The following TIMM23 variants were observed in gnomAD, a reference collection of about 807,000 sequenced individuals.
TIMM23 encodes mitochondrial import inner membrane translocase subunit Tim23.
A neutral mutation model predicts 30.7 loss-of-function variants in TIMM23; 19 were observed. The ratio of observed to expected loss-of-function variants is 0.62; its 90% confidence interval spans 0.43 to 0.91. The LOEUF is 0.91. TIMM23 is among the 40% of genes least tolerant of loss of function. The probability of loss-of-function intolerance (pLI) is 0.00; values close to 1 mark genes in which losing one functional copy is unlikely to be tolerated. For missense variants in TIMM23, 202 were observed against 269.2 expected (o/e 0.75, Z 1.75); for synonymous variants, 78 against 98.5 (o/e 0.79, Z 1.23).
intron 2 of TIMM23, 94 bp downstream of exon 2, chr10:45,975,606 T>C (rs1266213981): frequency 6.5e-7 from 1 of 1,528,032 alleles, no homozygotes; most frequent in Non-Finnish European, 9.0e-7. Flanking sequence ...CATACACTTT[T>C]GGAGGCAGTA....
At chr10:45,994,371 A>G (rs1386730188) in intron 6 of TIMM23, among the ~76,000 whole-genome samples, 2 of 148,150 alleles carry the variant, frequency 1.3e-5, no homozygotes, top group African/African-American at 5.0e-5. Flanking sequence ...ATAAATGAAT[A>G]AAATAAATTA....
rs782401743 is a variant in TIMM23 at position 45,996,157 on chromosome 10, T to G, written c.515-7046T>G. Among the ~76,000 whole-genome samples the G allele has an allele frequency of 7.9e-3, 1,112 of 141,234 alleles. 13 individuals carry two copies. Among genetic ancestry groups the G allele is most frequent in the Non-Finnish European group, 9.8e-3 (648 of 65,938 alleles). The allele number at this position is 141,234 out of a possible 152,430, so 92.7% of individuals were successfully genotyped here. On this transcript the variant is annotated intron_variant, in intron 6 of 6. Transcript: ENST00000580018. ...CGGGAGGATCACAATGTCAGGAGAT[T>G]GAGACCATCCTGGCTAACACAGTGA...
In TIMM23 at chr10:46,003,276, C is replaced by T; in HGVS notation, c.588C>T (p.Asn196=). The T allele has an allele frequency of 1.2e-6, 2 of 1,614,118 alleles. No homozygotes were observed. Among genetic ancestry groups the T allele is most frequent in the Non-Finnish European group, 8.5e-7 (1 of 1,179,992 alleles). ...CCAGCCTCTATGCACTATATAATAA[C>T]TGGGAGCACATGAAAGGCTCCTTGC... ...TLTSLYALYN[N]WEHMKGSLLQ... The change falls in exon 7 of 7, where the codon AAC becomes AAT. Residue 196 remains asparagine, a synonymous_variant. Transcript: ENST00000580018.
At chr10:45,986,749 C>T (rs587697225) in intron 5 of TIMM23, among the ~76,000 whole-genome samples, 4 of 151,672 alleles carry the variant, frequency 2.6e-5, no homozygotes, top group Non-Finnish European at 5.9e-5. Context: ...TGTTATAATA[C>T]GTGAGAATCA....
intron 6 of TIMM23, among the ~76,000 whole-genome samples, chr10:45,990,246 C>T (rs1838120980): frequency 6.6e-6 from 1 of 151,532 alleles, no homozygotes; most frequent in South Asian, 2.1e-4. Flanking sequence ...TCTCAGCTTC[C>T]TGAGTAGCTG....
intron 1 of TIMM23, among the ~76,000 whole-genome samples, chr10:45,974,353 G>C (rs1590107554): frequency 6.6e-6 from 1 of 152,184 alleles, no homozygotes; most frequent in East Asian, 1.9e-4. Flanking sequence ...AACATCTCAA[G>C]GGAGTTGACA....
At chr10:45,999,361 C>T (rs921203246) in intron 6 of TIMM23, among the ~76,000 whole-genome samples, 91 of 151,958 alleles carry the variant, frequency 6.0e-4, no homozygotes, top group African/African-American at 2.1e-3. Context: ...CCGATAGTCG[C>T]GTACATTCTT....
Position 45,993,244 on chromosome 10 carries a change from C to CTTTTTTTTTTTTTTTTTTTTTTTTTT in TIMM23, c.514+4414_514+4415insTTTTTTTTTTTTTTTTTTTTTTTTTT, listed in dbSNP as rs782013689. Among the ~76,000 whole-genome samples, 19 of 72,030 alleles carry CTTTTTTTTTTTTTTTTTTTTTTTTTT rather than the reference C, an allele frequency of 2.6e-4. 2 individuals are homozygous for CTTTTTTTTTTTTTTTTTTTTTTTTTT. Among genetic ancestry groups the CTTTTTTTTTTTTTTTTTTTTTTTTTT allele is most frequent in the African/African-American group, 1.2e-3 (17 of 14,726 alleles). The allele number at this position is 72,030 out of a possible 152,430, so 47.3% of individuals were successfully genotyped here. On this transcript the variant is annotated intron_variant, in intron 6 of 6. Coordinates refer to ENST00000580018, the MANE Select transcript of TIMM23 (RefSeq NM_006327.4). Reference sequence around the variant, plus strand: ...TTGCCAGTGTGAGCATCTACCATCACTTTTTTTTTTTTTTTTTGGAGACTG... The same window carrying CTTTTTTTTTTTTTTTTTTTTTTTTTT: ...TTGCCAGTGTGAGCATCTACCATCACTTTTTTTTTTTTTTTTTTTTTTTTTTTTTTTTTTTTTTTTTTTGGAGACTG...
At chr10:45,980,854 C>A (rs1276917676) in intron 2 of TIMM23, among the ~76,000 whole-genome samples, 2 of 150,190 alleles carry the variant, frequency 1.3e-5, no homozygotes, top group South Asian at 4.2e-4. Context: ...TCAGTTGATA[C>A]TAGCAGGAGA....
chr10:45,997,004 A>G, intron 6 of TIMM23, among the ~76,000 whole-genome samples: 1 of 150,980 alleles, frequency 6.6e-6, no homozygotes, highest in Non-Finnish European at 1.5e-5. Context: ...CTAAGAGGCC[A>G]AGGCAGGCAA....
intron 2 of TIMM23, among the ~76,000 whole-genome samples, chr10:45,981,449 T>C (rs1388941854): frequency 1.3e-5 from 2 of 151,930 alleles, no homozygotes; most frequent in Non-Finnish European, 1.5e-5. Context: ...TATACAATTA[T>C]ATTATGACAT....
chr10:45,993,402 A>G (rs1484028160), intron 6 of TIMM23, among the ~76,000 whole-genome samples: 8 of 151,828 alleles, frequency 5.3e-5, no homozygotes, highest in African/African-American at 1.9e-4. Flanking sequence ...ACACGCATGC[A>G]CCACGATGCC....
At chr10:45,979,876 C>T (rs61849480) in intron 2 of TIMM23, among the ~76,000 whole-genome samples, 2 of 151,710 alleles carry the variant, frequency 1.3e-5, no homozygotes, top group Admixed American at 6.6e-5. Flanking sequence ...TCAAAACTAG[C>T]TGCATGTATT....
At chr10:45,989,718 T>C (rs1158679839) in intron 6 of TIMM23, among the ~76,000 whole-genome samples, 1 of 152,220 alleles carries the variant, frequency 6.6e-6, no homozygotes, top group Non-Finnish European at 1.5e-5. Flanking sequence ...AGCCCAGGAA[T>C]GGCTTCCCTG....
chr10:45,976,905 AATG>A (rs1486235547), intron 2 of TIMM23, among the ~76,000 whole-genome samples: 1 of 152,244 alleles, frequency 6.6e-6, no homozygotes, highest in African/African-American at 2.4e-5. Flanking sequence ...TGTTAAAACT[AATG>A]ATCGAGTTCA....
In TIMM23 at chr10:46,003,350, T is replaced by A; in HGVS notation, c.*32T>A. 7.1e-7 allele frequency: 1 copy of A among 1,403,576 alleles called. No individual in the cohort carries two copies. The highest frequency in any genetic ancestry group is 1.0e-6 in the Non-Finnish European group (1 of 989,890). The allele number at this position is 1,403,576 out of a possible 1,614,324, so 86.9% of individuals were successfully genotyped here. A position where few individuals can be genotyped will look rare whatever the true frequency, so the allele number is the denominator to read the frequency against. On this transcript the variant is annotated 3_prime_UTR_variant, in exon 7 of 7. Transcript: ENST00000580018. Reference sequence around the variant, plus strand: ...TGCCAACTCATGAATGGAGGACACTTCAGTAGTCATCTAGATCCTTTTATA... The same window carrying A: ...TGCCAACTCATGAATGGAGGACACTACAGTAGTCATCTAGATCCTTTTATA...
At position 45,982,897 on chromosome 10, in the gene TIMM23, A is replaced by G. The variant is rs2132255248; in HGVS notation, c.311A>G (p.Gln104Arg). The G allele has an allele frequency of 6.2e-7, 1 of 1,613,970 alleles. No homozygotes were observed. Among genetic ancestry groups the G allele is most frequent in the Non-Finnish European group, 8.5e-7 (1 of 1,179,862 alleles). ...NGLRLGLKET[Q>R]NMAWSKPRNV... ...CTTCGGCTAGGATTGAAGGAAACCC[A>G]GAACATGGCCTGGTCCAAACCAAGA... is the stretch of plus-strand genomic sequence containing the variant. The change falls in exon 4 of 7, where the codon CAG becomes CGG. Residue 104 changes from glutamine (Q) to arginine (R), a missense_variant. Coordinates refer to ENST00000580018, the MANE Select transcript of TIMM23 (RefSeq NM_006327.4).
At chr10:45,999,888 AT>A (rs1178144864) in intron 6 of TIMM23, among the ~76,000 whole-genome samples, 4 of 152,296 alleles carry the variant, frequency 2.6e-5, no homozygotes, top group African/African-American at 9.6e-5. Context: ...CCAGGCGCGT[AT>A]TCTCTTTCCC....
intron 5 of TIMM23, among the ~76,000 whole-genome samples, chr10:45,987,585 A>G (rs1165295914): frequency 2.0e-5 from 3 of 150,200 alleles, no homozygotes; most frequent in East Asian, 3.9e-4. Flanking sequence ...GAGGGAACAC[A>G]TACTTAACAT....
Sources: allele counts gnomAD v4.1 joint callset (sites outside exome capture counted in the v4.1 genomes callset), GRCh38; gene constraint gnomAD v4.1.1; transcripts MANE v1.5; gene names NCBI Gene and HGNC (gene_info 2026-07-23, HGNC 2026-07-21).